The following ELMO1 variants were observed in gnomAD, a reference collection of about 807,000 sequenced individuals.
ELMO1 encodes the protein engulfment and cell motility 1, also known as engulfment and cell motility protein 1.
A neutral mutation model predicts 98.9 loss-of-function variants in ELMO1; 26 were observed. The observed-to-expected ratio is 0.26, with a 90% confidence interval of 0.19 to 0.36. The LOEUF (loss-of-function observed/expected upper bound fraction) is 0.36. Among genes scored for constraint, ELMO1 ranks in the 10% least tolerant of loss-of-function variants. The pLI, the probability that ELMO1 is intolerant of heterozygous loss-of-function variation, is 1.00. For synonymous variants in ELMO1, 346 were observed against 346.0 expected, an observed-to-expected ratio of 1.00 and a Z score of 0.00; for missense variants, 627 against 935.2, an observed-to-expected ratio of 0.67 and a Z score of 4.30.
intron 17 of ELMO1, among the ~76,000 whole-genome samples, chr7:36,892,210 C>T (rs1483930077): frequency 6.6e-6 from 1 of 152,196 alleles, no homozygotes; most frequent in Non-Finnish European, 1.5e-5. Context: ...GTGTGTGGCA[C>T]ACACAGAGGG....
intron 16 of ELMO1, among the ~76,000 whole-genome samples, chr7:36,908,551 AT>A (rs35626919): frequency 1.8e-4 from 27 of 146,190 alleles, no homozygotes; most frequent in African/African-American, 2.3e-4. Flanking sequence ...AAGATTTGTT[AT>A]TTTTTTTTTT....
rs1377150233 is a variant in ELMO1 at position 36,853,062 on chromosome 7, G to A, written c.*2489C>T. Reference sequence around the variant, plus strand: ...GCAGGCAACAGGAGATGAGTTGGAGGTGGTAGGCTCATTGCATGGGAAAAA... The same window carrying A: ...GCAGGCAACAGGAGATGAGTTGGAGATGGTAGGCTCATTGCATGGGAAAAA... On this transcript the variant is annotated 3_prime_UTR_variant, in exon 22 of 22. Coordinates refer to ENST00000310758, the MANE Select transcript of ELMO1 (RefSeq NM_014800.11). Among the ~76,000 whole-genome samples, 2 of 152,206 alleles carry A rather than the reference G, an allele frequency of 1.3e-5. No homozygotes were observed. The highest frequency in any genetic ancestry group is 1.5e-5 in the Non-Finnish European group (1 of 68,048).
intron 13 of ELMO1, among the ~76,000 whole-genome samples, chr7:37,207,888 A>C (rs1218517413): frequency 1.3e-5 from 2 of 152,244 alleles, no homozygotes; most frequent in African/African-American, 2.4e-5. Context: ...AAGATGAAGC[A>C]GCTTTTCTGT....
At chr7:36,947,426 A>T (rs951021260) in intron 16 of ELMO1, among the ~76,000 whole-genome samples, 12 of 152,004 alleles carry the variant, frequency 7.9e-5, no homozygotes, top group Admixed American at 4.6e-4. Context: ...CTCATTTTCC[A>T]ACTCACTCTC....
intron 2 of ELMO1, among the ~76,000 whole-genome samples, chr7:37,333,192 T>C (rs965463745): frequency 6.6e-6 from 1 of 152,184 alleles, no homozygotes; most frequent in Non-Finnish European, 1.5e-5. Flanking sequence ...ACTCCTAAAG[T>C]ACAAGCTGTT....
intron 20 of ELMO1, among the ~76,000 whole-genome samples, chr7:36,867,860 T>C (rs1008436005): frequency 1.3e-5 from 2 of 152,244 alleles, no homozygotes; most frequent in African/African-American, 4.8e-5. Flanking sequence ...CCATTGTGAT[T>C]TGAGAACATA....
At chr7:37,423,308 G>A (rs1804560709) in intron 1 of ELMO1, among the ~76,000 whole-genome samples, 1 of 152,198 alleles carries the variant, frequency 6.6e-6, no homozygotes, top group Non-Finnish European at 1.5e-5. Context: ...GGCCGGGCGT[G>A]GTGGCTTACA....
At chr7:36,937,186 G>A (rs577961991) in intron 16 of ELMO1, among the ~76,000 whole-genome samples, 1 of 152,320 alleles carries the variant, frequency 6.6e-6, no homozygotes, top group South Asian at 2.1e-4. Flanking sequence ...ACACTATTTG[G>A]AAACAGTGCC....
intron 16 of ELMO1, among the ~76,000 whole-genome samples, chr7:36,915,652 C>T (rs1784635217): frequency 6.6e-6 from 1 of 152,170 alleles, no homozygotes; most frequent in Non-Finnish European, 1.5e-5. Context: ...TCCAATCTTC[C>T]TTTCTGAGGC....
chr7:37,216,714 C>A lies in ELMO1; in HGVS notation c.781-19G>T, dbSNP rs747243368. On this transcript the variant is annotated intron_variant, in intron 10 of 21. Transcript: ENST00000310758. ...CCATCTCCTGTGGAAGAAAAACACA[C>A]CCACACAAAGGCTTAGGTTAGAAAG... The A allele has an allele frequency of 6.2e-7, 1 of 1,614,046 alleles. No individual in the cohort carries two copies. Among genetic ancestry groups the A allele is most frequent in the Non-Finnish European group, 8.5e-7 (1 of 1,179,952 alleles).
At chr7:37,401,606 CCTT>C (rs767849702) in intron 1 of ELMO1, among the ~76,000 whole-genome samples, 3 of 152,166 alleles carry the variant, frequency 2.0e-5, no homozygotes, top group African/African-American at 4.8e-5. Context: ...GCAAACACAT[CCTT>C]CTTCACAAGG....
At chr7:37,357,660 C>T (rs1451880112) in intron 1 of ELMO1, among the ~76,000 whole-genome samples, 1 of 152,184 alleles carries the variant, frequency 6.6e-6, no homozygotes, top group African/African-American at 2.4e-5. Flanking sequence ...TTTTCCTTCT[C>T]ATCTCTTTCA....
chr7:37,314,259 A>C (rs1301446381), intron 4 of ELMO1, among the ~76,000 whole-genome samples: 1 of 152,138 alleles, frequency 6.6e-6, no homozygotes, highest in Non-Finnish European at 1.5e-5. Context: ...TGCAGTATGC[A>C]CTCAATAAAT....
At chr7:37,137,216 A>T (rs1403122200) in intron 13 of ELMO1, among the ~76,000 whole-genome samples, 1 of 152,222 alleles carries the variant, frequency 6.6e-6, no homozygotes, top group Non-Finnish European at 1.5e-5. Flanking sequence ...CCCAACAGGG[A>T]AATATCACAA....
At chr7:36,867,808 G>A (rs777176867) in intron 20 of ELMO1, among the ~76,000 whole-genome samples, 1 of 152,114 alleles carries the variant, frequency 6.6e-6, no homozygotes, top group African/African-American at 2.4e-5. Flanking sequence ...ACATTTGGGG[G>A]ATTTTCCAGC....
chr7:37,347,277 C>T (rs1266623458), intron 1 of ELMO1, among the ~76,000 whole-genome samples: 2 of 152,146 alleles, frequency 1.3e-5, no homozygotes, highest in Non-Finnish European at 2.9e-5. Flanking sequence ...AGGTTCTAGC[C>T]TGGGCTTTCT....
At chr7:36,880,504 TCTA>T (rs539423519) in intron 18 of ELMO1, among the ~76,000 whole-genome samples, 50 of 152,364 alleles carry the variant, frequency 3.3e-4, no homozygotes, top group Non-Finnish European at 6.3e-4. Context: ...ATTTTGCTGC[TCTA>T]CTTTCAGGAT....
At chr7:36,900,963 T>C (rs1806462654) in intron 16 of ELMO1, among the ~76,000 whole-genome samples, 1 of 152,178 alleles carries the variant, frequency 6.6e-6, no homozygotes, top group South Asian at 2.1e-4. Context: ...TAAGTGCTCA[T>C]GTGTGGGAAG....
At chr7:37,038,916 G>A (rs1795340577) in intron 15 of ELMO1, among the ~76,000 whole-genome samples, 1 of 152,118 alleles carries the variant, frequency 6.6e-6, no homozygotes, top group Non-Finnish European at 1.5e-5. Flanking sequence ...CCCATTATGA[G>A]GGCCCCACCC....
Sources: gnomAD v4.1 joint callset for allele counts (sites outside exome capture counted in the v4.1 genomes callset) on GRCh38, gnomAD v4.1.1 for gene constraint, MANE v1.5 for transcripts, NCBI Gene and HGNC (gene_info 2026-07-23, HGNC 2026-07-21) for gene names.